The following CYFIP1 variants were observed in gnomAD, a reference collection of about 807,000 sequenced individuals.
CYFIP1 encodes the protein cytoplasmic FMR1-interacting protein 1.
In CYFIP1, 58 loss-of-function variants were observed where a neutral mutation model predicts 163.5. The ratio of observed to expected loss-of-function variants is 0.35; its 90% CI spans 0.29 to 0.44. The LOEUF (loss-of-function observed/expected upper bound fraction) is 0.44. CYFIP1 is among the 20% of genes least tolerant of loss of function. The probability of loss-of-function intolerance (pLI) is 1.00; values close to 1 mark genes in which losing one functional copy is unlikely to be tolerated. For synonymous variants in CYFIP1, 663 were observed against 660.7 expected (o/e 1.00, Z -0.05); for missense variants, 1,338 against 1,653.8 (o/e 0.81, Z 3.31).
At chr15:22,959,964 G>T (rs543251215) in intron 1 of CYFIP1, among the ~76,000 whole-genome samples, 1 of 152,156 alleles carries the variant, frequency 6.6e-6, no homozygotes, top group Non-Finnish European at 1.5e-5. Context: ...GAATCCCCAC[G>T]TGGCTGGCCT....
rs1288723679 is a variant in CYFIP1, at chr15:22,931,889, A to G, written c.1110+334T>C. Reference sequence around the variant, plus strand: ...CTTTTCTATGTTTAGATATGTTTAGATACACAAATACATACCATTGTGTTA... The same window carrying G: ...CTTTTCTATGTTTAGATATGTTTAGGTACACAAATACATACCATTGTGTTA... On this transcript the variant is annotated intron_variant, in intron 11 of 30. Transcript: ENST00000617928. 2.6e-5 allele frequency among the ~76,000 whole-genome samples: 4 copies of G among 152,008 alleles called. No homozygotes were observed. The East Asian group carries it at 5.8e-4, about 22-fold the overall frequency.
At chr15:22,946,315 G>A (rs1595678398) in intron 3 of CYFIP1, among the ~76,000 whole-genome samples, 1 of 150,538 alleles carries the variant, frequency 6.6e-6, no homozygotes, top group Admixed American at 6.6e-5. Flanking sequence ...AAAAAAAAAA[G>A]AAAGAAAGAA....
intron 1 of CYFIP1, among the ~76,000 whole-genome samples, chr15:22,962,376 T>C (rs1172817883): frequency 2.6e-5 from 4 of 151,430 alleles, no homozygotes. Context: ...ATAAACTGTA[T>C]CTCATCTATA....
chr15:22,978,806 C>T (rs1476316587), intron 1 of CYFIP1, among the ~76,000 whole-genome samples: 1 of 152,058 alleles, frequency 6.6e-6, no homozygotes, highest in Non-Finnish European at 1.5e-5. Context: ...ACAAGCCAGA[C>T]TCCAAGCCCA....
chr15:22,977,151 A>T (rs1176535132), intron 1 of CYFIP1, among the ~76,000 whole-genome samples: 2 of 151,914 alleles, frequency 1.3e-5, no homozygotes, highest in Non-Finnish European at 2.9e-5. Context: ...GTGGGCCGAG[A>T]TCGCACCATT....
At chr15:22,895,571 C>T (rs970680187) in intron 22 of CYFIP1, among the ~76,000 whole-genome samples, 3 of 152,202 alleles carry the variant, frequency 2.0e-5, no homozygotes, top group African/African-American at 4.8e-5. Context: ...AGTCTCTACA[C>T]CCTCATTTCT....
At position 22,903,765 on chromosome 15, in the gene CYFIP1, G is replaced by T. The variant is rs375439515; in HGVS notation, c.2529C>A (p.Val843=). 6.2e-7 allele frequency: 1 copy of T among 1,614,204 alleles called. No homozygotes were observed. Among genetic ancestry groups the T allele is most frequent in the Non-Finnish European group, 8.5e-7 (1 of 1,180,036 alleles). Residue 843 remains valine (V), a synonymous_variant, in exon 22 of 31, where the codon GTC becomes GTA. Transcript: ENST00000617928. ...SAPYGRITLH[V]FWELNYDFLP... ...GGAAGTCATAGTTGAGCTCCCAGAAGACGTGCAGGGTGATCCTCCCGTAGG... is the reference window on the plus strand; with the variant it reads ...GGAAGTCATAGTTGAGCTCCCAGAATACGTGCAGGGTGATCCTCCCGTAGG...
At chr15:22,910,395 C>T (rs2060744231) in intron 20 of CYFIP1, 125 bp downstream of exon 20, 1 of 710,916 alleles carries the variant, frequency 1.4e-6, no homozygotes, top group African/African-American at 1.8e-5. Context: ...CTCCTAACCT[C>T]AGGTGATCCG....
intron 15 of CYFIP1, 27 bp from the exon 16 acceptor site, chr15:22,916,657 G>A (rs760182424): frequency 6.8e-6 from 11 of 1,614,102 alleles, no homozygotes; most frequent in Non-Finnish European, 8.5e-6. Flanking sequence ...AACATTTGTG[G>A]GGGAGAAAAT....
At position 22,945,055 on chromosome 15, in the gene CYFIP1, T is replaced by C. The variant is rs184907193; in HGVS notation, c.208-116A>G. On this transcript the variant is annotated intron_variant, in intron 3 of 30. Transcript: ENST00000617928. ...AAACTATCCTAAGCACTGTGGCCTG[T>C]GTGCCAAGAGACGGCTGCCAGAAGC... The C allele has an allele frequency of 1.1e-3, 1,071 of 998,084 alleles. 10 individuals are homozygous for C. In the African/African-American group the frequency reaches 0.014, roughly 13 times the overall value. 61.8% of individuals were successfully genotyped at this position (998,084 alleles called of 1,614,324 possible).
At chr15:22,934,406 C>CA (rs2061643358) in intron 9 of CYFIP1, among the ~76,000 whole-genome samples, 1 of 147,288 alleles carries the variant, frequency 6.8e-6, no homozygotes, top group African/African-American at 2.5e-5. Context: ...AGGATGGTCT[C>CA]AATCTCCTGA....
Position 22,901,812 on chromosome 15 carries a change from A to T in CYFIP1, c.2588+1894T>A, listed in dbSNP as rs369932638. Reference sequence around the variant, plus strand: ...TCTCAGGATTCGACACAGAACTTGGATACGCAAAATCCTGTTTTAAAATGC... The same window carrying T: ...TCTCAGGATTCGACACAGAACTTGGTTACGCAAAATCCTGTTTTAAAATGC... On this transcript the variant is annotated intron_variant, in intron 22 of 30. Coordinates refer to ENST00000617928, the MANE Select transcript of CYFIP1 (RefSeq NM_014608.6). 2.8e-3 allele frequency among the ~76,000 whole-genome samples: 420 copies of T among 152,332 alleles called. 2 individuals are homozygous for T. The highest frequency in any genetic ancestry group is 9.7e-3 in the African/African-American group (403 of 41,570).
At chr15:22,871,015 C>T (rs4778439) in intron 30 of CYFIP1, among the ~76,000 whole-genome samples, 15,406 of 152,174 alleles carry the variant, frequency 0.1, 1,219 homozygotes, top group African/African-American at 0.22. Flanking sequence ...CCAACAGCGG[C>T]GGTGGGGTGA....
chr15:22,872,341 A>C (rs1238021618), intron 30 of CYFIP1, among the ~76,000 whole-genome samples: 1 of 151,892 alleles, frequency 6.6e-6, no homozygotes, highest in Non-Finnish European at 1.5e-5. Context: ...TACAACAAAG[A>C]GATGTGGAGA....
chr15:22,956,959 G>T (rs192139394), intron 1 of CYFIP1, among the ~76,000 whole-genome samples: 1 of 152,224 alleles, frequency 6.6e-6, no homozygotes, highest in Non-Finnish European at 1.5e-5. Context: ...CACAGGGACC[G>T]AACAGTCATC....
At chr15:22,973,924 A>G (rs948063618) in intron 1 of CYFIP1, among the ~76,000 whole-genome samples, 1 of 152,204 alleles carries the variant, frequency 6.6e-6, no homozygotes, top group African/African-American at 2.4e-5. Flanking sequence ...GTATGAAAAA[A>G]TGCTCAACAT....
intron 12 of CYFIP1, among the ~76,000 whole-genome samples, chr15:22,927,661 G>A (rs1349503706): frequency 1.3e-5 from 2 of 151,842 alleles, no homozygotes; most frequent in Non-Finnish European, 2.9e-5. Context: ...CTCAAAAAAA[G>A]AACGACTTAA....
intron 1 of CYFIP1, among the ~76,000 whole-genome samples, chr15:22,968,681 T>C (rs2062992447): frequency 1.3e-5 from 2 of 152,198 alleles, no homozygotes; most frequent in African/African-American, 4.8e-5. Flanking sequence ...GAAAACCTTA[T>C]CCCTGTGGTC....
chr15:22,963,505 ATAACAT>A (rs2062764556), intron 1 of CYFIP1, among the ~76,000 whole-genome samples: 1 of 64,306 alleles, frequency 1.6e-5, no homozygotes, highest in African/African-American at 5.1e-5. Context: ...ATAACATAAC[ATAACAT>A]AACATAACAT....
Sources: allele counts gnomAD v4.1 joint callset (sites outside exome capture counted in the v4.1 genomes callset), GRCh38; gene constraint gnomAD v4.1.1; transcripts MANE v1.5; gene names NCBI Gene and HGNC (gene_info 2026-07-23, HGNC 2026-07-21).